LEKR1: variants seen among roughly 807,000 people sequenced by gnomAD.
The protein encoded by LEKR1 is protein LEKR1.
Under a neutral mutation model 72.4 loss-of-function variants are expected in LEKR1, and 59 were observed. The ratio of observed to expected loss-of-function variants is 0.82; its 90% CI spans 0.66 to 1.01. LEKR1 has a LOEUF of 1.01. LEKR1 is among the 50% of genes least tolerant of loss of function. The pLI is 0.00. For synonymous variants in LEKR1, 257 were observed against 263.2 expected (o/e 0.98, Z 0.23); for missense variants, 728 against 759.2 (o/e 0.96, Z 0.48).
intron 7 of LEKR1, among the ~76,000 whole-genome samples, chr3:156,982,333 T>C (rs985034267): frequency 6.6e-6 from 1 of 152,032 alleles, no homozygotes; most frequent in Non-Finnish European, 1.5e-5. Context: ...CTGCAGTTCC[T>C]CCACTCTAGA....
chr3:156,888,977 G>C (rs754995231), intron 3 of LEKR1, among the ~76,000 whole-genome samples: 8 of 152,028 alleles, frequency 5.3e-5, no homozygotes, highest in Non-Finnish European at 1.0e-4. Flanking sequence ...CTAAATCATA[G>C]ATTTCTTTAT....
chr3:156,960,206 A>G (rs1006558905), intron 6 of LEKR1, among the ~76,000 whole-genome samples: 1 of 152,138 alleles, frequency 6.6e-6, no homozygotes, highest in Non-Finnish European at 1.5e-5. Flanking sequence ...CATATTTTTC[A>G]CATTTTGTTA....
At position 156,870,951 on chromosome 3, in the gene LEKR1, C is replaced by CT. The variant is rs201513634; in HGVS notation, c.263+17977dup. On this transcript the variant is annotated intron_variant, in intron 3 of 12. Coordinates refer to ENST00000356539, the MANE Select transcript of LEKR1 (RefSeq NM_001004316.3). The stretch of plus-strand genomic sequence containing the variant: ...AATCATATGTTTTATGTCCTTCATT[C>CT]TTTTTTTTATTATTATTATTATACT... Among the ~76,000 whole-genome samples the CT allele has an allele frequency of 1.4e-3, 220 of 151,786 alleles. 2 individuals carry two copies. Among genetic ancestry groups the CT allele is most frequent in the African/African-American group, 5.1e-3 (212 of 41,430 alleles).
chr3:156,999,506 A>G (rs1305902738), intron 9 of LEKR1, among the ~76,000 whole-genome samples: 1 of 151,986 alleles, frequency 6.6e-6, no homozygotes, highest in East Asian at 1.9e-4. Context: ...TGTAGACATT[A>G]TCTTATCTTG....
chr3:157,042,999 T>C (rs1323055357), intron 12 of LEKR1, among the ~76,000 whole-genome samples: 1 of 152,144 alleles, frequency 6.6e-6, no homozygotes, highest in Admixed American at 6.6e-5. Context: ...CAGTTTCTCA[T>C]GAATGGTTTA....
intron 12 of LEKR1, among the ~76,000 whole-genome samples, chr3:157,030,627 A>C (rs1734536018): frequency 6.6e-6 from 1 of 152,194 alleles, no homozygotes; most frequent in Admixed American, 6.5e-5. Context: ...AGCTTCAAAC[A>C]ACAAACATTT....
chr3:156,987,382 C>T (rs1730780683), intron 7 of LEKR1, among the ~76,000 whole-genome samples: 1 of 152,134 alleles, frequency 6.6e-6, no homozygotes, highest in Non-Finnish European at 1.5e-5. Context: ...AATTTATTAT[C>T]TACATAGTAA....
chr3:156,980,780 T>C (rs1730129307), intron 7 of LEKR1, among the ~76,000 whole-genome samples: 1 of 152,142 alleles, frequency 6.6e-6, no homozygotes, highest in Non-Finnish European at 1.5e-5. Context: ...AGACTTAGCA[T>C]ATATAGTGGA....
intron 4 of LEKR1, among the ~76,000 whole-genome samples, chr3:156,923,704 C>G (rs1257072895): frequency 6.6e-6 from 1 of 151,616 alleles, no homozygotes; most frequent in Non-Finnish European, 1.5e-5. Flanking sequence ...TGTGGAATCA[C>G]TAGGTCATAT....
chr3:156,924,627 G>T (rs745770221), intron 4 of LEKR1: 5 of 519,928 alleles, frequency 9.6e-6, no homozygotes, highest in Non-Finnish European at 1.7e-5. Flanking sequence ...TAACTTCTGT[G>T]TATGATATGA....
At chr3:156,880,526 A>G (rs548706578) in intron 3 of LEKR1, among the ~76,000 whole-genome samples, 7 of 152,214 alleles carry the variant, frequency 4.6e-5, no homozygotes, top group Non-Finnish European at 1.0e-4. Context: ...CCAACCAAAA[A>G]GAGTCCAGGA....
intron 1 of LEKR1, among the ~76,000 whole-genome samples, chr3:156,828,971 A>T (rs755680007): frequency 2.0e-5 from 3 of 152,244 alleles, no homozygotes; most frequent in African/African-American, 4.8e-5. Context: ...TGTGTATTTA[A>T]AATTTTAGTC....
rs1447260964 is a variant in LEKR1 at position 156,843,730 on chromosome 3, G to A, written c.49-9038G>A. 2.0e-5 allele frequency among the ~76,000 whole-genome samples: 3 copies of A among 152,214 alleles called. No individual in the cohort carries two copies. In the East Asian group the frequency reaches 5.8e-4, roughly 29 times the overall value. Reference sequence around the variant, plus strand: ...TTTCCAGGTTATTTTGGGCCACTGTGGCTAGGTTCAGATTTTTTGTTGAGT... The same window carrying A: ...TTTCCAGGTTATTTTGGGCCACTGTAGCTAGGTTCAGATTTTTTGTTGAGT... On this transcript the variant is annotated intron_variant, in intron 2 of 12. Transcript: ENST00000356539.
At position 156,883,721 on chromosome 3, in the gene LEKR1, C is replaced by G. The variant is rs188455133; in HGVS notation, c.263+30739C>G. ...CTTGTCTGCTGCCATGTAAGACATGCCTTTCACCTTCCACCATGATTGTGA... is the reference window on the plus strand; with the variant it reads ...CTTGTCTGCTGCCATGTAAGACATGGCTTTCACCTTCCACCATGATTGTGA... On this transcript the variant is annotated intron_variant, in intron 3 of 12. Transcript: ENST00000356539. Among the ~76,000 whole-genome samples, 170 of 152,266 alleles carry G rather than the reference C, an allele frequency of 1.1e-3. 1 individual carries two copies. The highest frequency in any genetic ancestry group is 1.7e-3 in the Non-Finnish European group (116 of 68,018).
At chr3:157,033,441 G>T (rs1346165221) in intron 12 of LEKR1, among the ~76,000 whole-genome samples, 1 of 152,140 alleles carries the variant, frequency 6.6e-6, no homozygotes, top group East Asian at 1.9e-4. Context: ...AAGTTTGAGT[G>T]GTCTAGGTAG....
At position 156,968,617 on chromosome 3, in the gene LEKR1, T is replaced by C. The variant is rs142168014; in HGVS notation, c.746-10577T>C. Among the ~76,000 whole-genome samples, 166 of 152,282 alleles carry C rather than the reference T, an allele frequency of 1.1e-3. 1 individual carries two copies. The highest frequency in any genetic ancestry group is 3.8e-3 in the African/African-American group (158 of 41,542). On this transcript the variant is annotated intron_variant, in intron 6 of 12. Transcript: ENST00000356539. ...CCCAATACAGGAGCACCAAGATTCA[T>C]AAAGCAAGTCCTTAGAGACCTAGAA... is the stretch of plus-strand genomic sequence containing the variant.
At chr3:156,900,896 T>C (rs2108563329) in intron 3 of LEKR1, among the ~76,000 whole-genome samples, 1 of 152,320 alleles carries the variant, frequency 6.6e-6, no homozygotes, top group Non-Finnish European at 1.5e-5. Context: ...AAATGTATAA[T>C]TGGGCATTAT....
At chr3:156,878,809 G>A (rs1201673473) in intron 3 of LEKR1, among the ~76,000 whole-genome samples, 2 of 151,734 alleles carry the variant, frequency 1.3e-5, no homozygotes, top group Non-Finnish European at 2.9e-5. Context: ...TGAATCATGG[G>A]GCCAGTTTCC....
chr3:156,831,965 T>G lies in LEKR1; in HGVS notation c.48+2588T>G, dbSNP rs1200496124. 2.0e-5 allele frequency among the ~76,000 whole-genome samples: 3 copies of G among 152,334 alleles called. No homozygotes were observed. In the South Asian group the frequency reaches 6.2e-4, roughly 32 times the overall value. On this transcript the variant is annotated intron_variant, in intron 2 of 12. Coordinates refer to ENST00000356539, the MANE Select transcript of LEKR1 (RefSeq NM_001004316.3). ...CCTTTGGGTTTCATCATACCTTATT[T>G]TTAATCTGTGTGTTATGGAAATGGA... is the stretch of plus-strand genomic sequence containing the variant.
Sources: gnomAD v4.1 joint callset for allele counts (sites outside exome capture counted in the v4.1 genomes callset) on GRCh38, gnomAD v4.1.1 for gene constraint, MANE v1.5 for transcripts, NCBI Gene and HGNC (gene_info 2026-07-23, HGNC 2026-07-21) for gene names.